The following EFR3B variants were observed in gnomAD, a reference collection of about 807,000 sequenced individuals.
EFR3B encodes the protein protein EFR3 homolog B.
In EFR3B, 64 loss-of-function variants were observed where a neutral mutation model predicts 104.7. That is an observed-to-expected ratio of 0.61 (90% CI 0.50 to 0.75). The LOEUF (loss-of-function observed/expected upper bound fraction) is 0.75, where lower values mean the gene tolerates loss of function less well. Among genes scored for constraint, EFR3B ranks in the 30% least tolerant of loss-of-function variants. EFR3B has a pLI of 0.00. For missense variants in EFR3B, 750 were observed against 1,078.5 expected (o/e 0.70, Z 4.27); for synonymous variants, 385 against 417.9 (o/e 0.92, Z 0.96).
At chr2:25,111,346 T>C (rs1294281532) in intron 4 of EFR3B, among the ~76,000 whole-genome samples, 1 of 151,204 alleles carries the variant, frequency 6.6e-6, no homozygotes, top group African/African-American at 2.4e-5. Flanking sequence ...TGGTGGCATT[T>C]CTCCCTGGGA....
intron 1 of EFR3B, among the ~76,000 whole-genome samples, chr2:25,088,053 A>G (rs1443762265): frequency 6.6e-6 from 1 of 151,106 alleles, no homozygotes. Context: ...CTTTCACTAG[A>G]AGTGCACTGC....
At chr2:25,081,159 T>G (rs1558593878) in intron 1 of EFR3B, 1 of 715,772 alleles carries the variant, frequency 1.4e-6, no homozygotes, top group Admixed American at 2.1e-5. Context: ...TCCACCCTTT[T>G]CTCCCATTTG....
chr2:25,083,845 G>A (rs1668875945), intron 1 of EFR3B, among the ~76,000 whole-genome samples: 1 of 152,182 alleles, frequency 6.6e-6, no homozygotes, highest in African/African-American at 2.4e-5. Context: ...GGGACCAGGG[G>A]CATCAGCATC....
intron 21 of EFR3B, among the ~76,000 whole-genome samples, chr2:25,153,288 A>T (rs1671063814): frequency 6.6e-6 from 1 of 152,130 alleles, no homozygotes; most frequent in South Asian, 2.1e-4. Flanking sequence ...CAGGAGGTAG[A>T]GGTTGCAGTG....
intron 21 of EFR3B, among the ~76,000 whole-genome samples, 193 bp from the exon 22 acceptor site, chr2:25,153,519 A>T (rs895145788): frequency 2.0e-5 from 3 of 152,076 alleles, no homozygotes; most frequent in Non-Finnish European, 4.4e-5. Context: ...AGCCTTCAGT[A>T]GGTGGCTTTC....
intron 4 of EFR3B, among the ~76,000 whole-genome samples, chr2:25,118,180 C>T (rs1669915445): frequency 6.6e-6 from 1 of 152,122 alleles, no homozygotes; most frequent in African/African-American, 2.4e-5. Context: ...GGGGTTTCAC[C>T]CTGTTGTCCG....
At chr2:25,082,512 C>G (rs1477719032) in intron 1 of EFR3B, among the ~76,000 whole-genome samples, 1 of 152,242 alleles carries the variant, frequency 6.6e-6, no homozygotes, top group African/African-American at 2.4e-5. Flanking sequence ...GAACTTTTCC[C>G]TGAAGTTCCC....
intron 1 of EFR3B, among the ~76,000 whole-genome samples, chr2:25,061,077 AT>A (rs1668179939): frequency 6.6e-6 from 1 of 152,034 alleles, no homozygotes; most frequent in Non-Finnish European, 1.5e-5. Flanking sequence ...GTGAATTTCA[AT>A]GTTGGCTCCA....
At chr2:25,081,054 C>T in intron 1 of EFR3B, 1 of 741,644 alleles carries the variant, frequency 1.3e-6, no homozygotes. Flanking sequence ...ATGTGAACTT[C>T]CTATTAATAT....
chr2:25,054,624 AT>A (rs1159779959), intron 1 of EFR3B, among the ~76,000 whole-genome samples: 1 of 152,154 alleles, frequency 6.6e-6, no homozygotes, highest in Non-Finnish European at 1.5e-5. Context: ...AGTAATTTTT[AT>A]GGATGCTTCT....
At position 25,114,398 on chromosome 2, in the gene EFR3B, G is replaced by C. The variant is rs1206487384; in HGVS notation, c.364-7275G>C. 6.6e-6 allele frequency among the ~76,000 whole-genome samples: 1 copy of C among 152,192 alleles called. No homozygotes were observed. Among genetic ancestry groups the C allele is most frequent in the Non-Finnish European group, 1.5e-5 (1 of 68,030 alleles). On this transcript the variant is annotated intron_variant, in intron 4 of 22. Transcript: ENST00000403714. This position sits in a 1 kb window ranked among gnomAD's most constrained non-coding sequence, Gnocchi z 4.0. ...CTGTCAAACCAAGGGATCCTAAGGA[G>C]GCTCGAGATCCTGGTACCAAAAAGG...
Position 25,153,719 on chromosome 2 carries a change from T to G in EFR3B, c.2306T>G (p.Leu769Arg), listed in dbSNP as rs1336672602. The part of the protein sequence containing the change: ...IAAHCGARAS[L>R]LQSKLNQIFE... ...CCGTGTGTTTGTGTCTAGGCATCGC[T>G]GCTCCAGAGCAAACTCAATCAGATC... Residue 769 changes from leucine (L) to arginine (R), a missense_variant, in exon 22 of 23, where the codon CTG becomes CGG. Leu to Arg is a moderately radical substitution (Grantham distance 102). Coordinates refer to ENST00000403714, the MANE Select transcript of EFR3B (RefSeq NM_014971.2). 1 of 1,551,710 alleles carries G rather than the reference T, an allele frequency of 6.4e-7. No individual in the cohort carries two copies. Among genetic ancestry groups the G allele is most frequent in the Admixed American group, 2.0e-5 (1 of 51,002 alleles).
At chr2:25,121,602 T>G in intron 4 of EFR3B, 71 bp from the exon 5 acceptor site, 2 of 1,537,520 alleles carry the variant, frequency 1.3e-6, no homozygotes, top group African/African-American at 1.4e-5. Context: ...GCAGGGGGTC[T>G]GGGGATGCCC....
At position 25,042,290 on chromosome 2, in the gene EFR3B, C is replaced by A; in HGVS notation, c.-23C>A. The A allele has an allele frequency of 3.9e-6, 5 of 1,295,268 alleles. No homozygotes were observed. The highest frequency in any genetic ancestry group is 2.3e-5 in the South Asian group (1 of 43,954). The allele number at this position is 1,295,268 out of a possible 1,614,324, so 80.2% of individuals were successfully genotyped here. A position where few individuals can be genotyped will look rare whatever the true frequency, so the allele number is the denominator to read the frequency against. ...GAACGCCGCAGCGACGCCGGCCTCT[C>A]GAGAGGCGCGCGCCCCGCCGAGATG... On this transcript the variant is annotated 5_prime_UTR_variant, in exon 1 of 23. Transcript: ENST00000403714. This position sits in a 1 kb window ranked among gnomAD's most constrained non-coding sequence, Gnocchi z 5.4.
At chr2:25,134,457 A>G (rs1343152315) in intron 12 of EFR3B, among the ~76,000 whole-genome samples, 2 of 152,212 alleles carry the variant, frequency 1.3e-5, no homozygotes, top group East Asian at 3.8e-4. Flanking sequence ...GGCATGAGCC[A>G]CTGTGCCCGG....
chr2:25,098,508 T>A (rs778681247), intron 3 of EFR3B, among the ~76,000 whole-genome samples: 1 of 152,164 alleles, frequency 6.6e-6, no homozygotes, highest in African/African-American at 2.4e-5. Context: ...AACTCGGGGA[T>A]CCCAGGCTCT....
chr2:25,148,644 C>T (rs1190210460), intron 19 of EFR3B, among the ~76,000 whole-genome samples: 24 of 148,740 alleles, frequency 1.6e-4, no homozygotes, highest in South Asian at 2.3e-4. Flanking sequence ...CAGAACTGGC[C>T]GGGCGCGGTG....
chr2:25,109,706 G>A (rs1014977054), intron 4 of EFR3B, among the ~76,000 whole-genome samples: 21 of 152,164 alleles, frequency 1.4e-4, no homozygotes, highest in African/African-American at 4.6e-4. Context: ...TGTTTGCCAG[G>A]TGAAGGGGGA....
Position 25,131,920 on chromosome 2 carries a change from C to G in EFR3B, c.1147+9C>G. The G allele has an allele frequency of 9.3e-7, 1 of 1,078,884 alleles. No homozygotes were observed. The highest frequency in any genetic ancestry group is 1.1e-6 in the Non-Finnish European group (1 of 872,538). 66.8% of individuals were successfully genotyped at this position (1,078,884 alleles called of 1,614,324 possible). ...CGTCATCAAGACCGTGGGTGCGGCGCGGGGCCGGGCCGGGGCGGGGCGGGG... is the reference window on the plus strand; with the variant it reads ...CGTCATCAAGACCGTGGGTGCGGCGGGGGGCCGGGCCGGGGCGGGGCGGGG... On this transcript the variant is annotated intron_variant, in intron 10 of 22. Transcript: ENST00000403714. This position sits in a 1 kb window ranked among gnomAD's most constrained non-coding sequence, Gnocchi z 7.6.
Sources: gnomAD v4.1 joint callset for allele counts (sites outside exome capture counted in the v4.1 genomes callset) on GRCh38, gnomAD v4.1.1 for gene constraint, Gnocchi (gnomAD v3.1) non-coding constraint, MANE v1.5 for transcripts, NCBI Gene and HGNC (gene_info 2026-07-23, HGNC 2026-07-21) for gene names.